Variants in DDR2 observed in about 807,000 individuals in gnomAD.
DDR2 encodes the protein discoidin domain receptor tyrosine kinase 2.
DDR2 carries 27 observed loss-of-function variants against 94.9 expected under a neutral mutation model. The observed-to-expected ratio is 0.28, with a 90% CI of 0.21 to 0.39. The LOEUF is 0.39. Among genes scored for constraint, DDR2 ranks in the 10% least tolerant of loss-of-function variants. DDR2 has a pLI of 1.00. For missense variants in DDR2, 783 were observed against 1,076.0 expected, an observed-to-expected ratio of 0.73 and a Z score of 3.81; for synonymous variants, 382 against 377.2, an observed-to-expected ratio of 1.01 and a Z score of -0.15.
chr1:162,775,547 A>T (rs1647487376), intron 14 of DDR2, 105 bp from the exon 15 acceptor site: 2 of 1,260,996 alleles, frequency 1.6e-6, no homozygotes, highest in African/African-American at 3.0e-5. Flanking sequence ...AAAGGGAAAC[A>T]AGATTTGGCA....
rs1020790054 is a variant in DDR2, at chr1:162,784,865, C to T, written c.*4619C>T. The T allele has an allele frequency of 3.3e-5, 5 of 152,188 alleles. No homozygotes were observed. The highest frequency in any genetic ancestry group is 7.3e-5 in the Non-Finnish European group (5 of 68,032). The allele number at this position is 152,188 out of a possible 1,614,324, so 9.4% of individuals were successfully genotyped here. ...ATTAACATTGGCATAATGCTATTAA[C>T]TAAACTACAGACCTTTTTTCAATTT... On this transcript the variant is annotated 3_prime_UTR_variant, in exon 18 of 18. Transcript: ENST00000367921.
chr1:162,761,580 G>T (rs962344379), intron 9 of DDR2, 126 bp downstream of exon 9: 1 of 1,458,182 alleles, frequency 6.9e-7, no homozygotes, highest in Non-Finnish European at 9.4e-7. Context: ...TCTCATTGAC[G>T]GATACGGTGA....
intron 2 of DDR2, among the ~76,000 whole-genome samples, chr1:162,657,994 T>G (rs992778004): frequency 1.3e-5 from 2 of 152,316 alleles, no homozygotes; most frequent in Admixed American, 1.3e-4. Flanking sequence ...AGTGTCTTCC[T>G]TTCCTTTTCT....
Position 162,780,531 on chromosome 1 carries a change from C to T in DDR2, c.*285C>T. On this transcript the variant is annotated 3_prime_UTR_variant, in exon 18 of 18. Coordinates refer to ENST00000367921, the MANE Select transcript of DDR2 (RefSeq NM_006182.4). ...ATACCAAAGTGTTGGATAACAAAGGCTAGAAAATTCAGATAATTTATAAAG... is the reference window on the plus strand; with the variant it reads ...ATACCAAAGTGTTGGATAACAAAGGTTAGAAAATTCAGATAATTTATAAAG... The T allele has an allele frequency of 2.7e-6, 1 of 376,818 alleles. No individual in the cohort carries two copies. The highest frequency in any genetic ancestry group is 4.8e-6 in the Non-Finnish European group (1 of 207,934). The allele number at this position is 376,818 out of a possible 1,614,324, so 23.3% of individuals were successfully genotyped here.
At chr1:162,688,796 C>A (rs1659816952) in intron 2 of DDR2, among the ~76,000 whole-genome samples, 1 of 152,124 alleles carries the variant, frequency 6.6e-6, no homozygotes, top group Non-Finnish European at 1.5e-5. Flanking sequence ...CAGGAAAGTA[C>A]CAAGAAGTAA....
At chr1:162,706,832 C>G (rs1660684110) in intron 2 of DDR2, among the ~76,000 whole-genome samples, 1 of 152,198 alleles carries the variant, frequency 6.6e-6, no homozygotes, top group Non-Finnish European at 1.5e-5. Flanking sequence ...ATTTTCTGCA[C>G]TGCTTGGTTC....
chr1:162,631,217 TGTGTGTGTGC>T (rs960876076), upstream of DDR2, among the ~76,000 whole-genome samples: 1 of 143,372 alleles, frequency 7.0e-6, no homozygotes, highest in African/African-American at 2.6e-5. Context: ...TGTGTGTGTG[TGTGTGTGTGC>T]GCTTTTCCAT....
intron 3 of DDR2, among the ~76,000 whole-genome samples, chr1:162,736,841 T>C (rs1662320886): frequency 6.6e-6 from 1 of 152,202 alleles, no homozygotes; most frequent in Non-Finnish European, 1.5e-5. Flanking sequence ...TAACAGTACA[T>C]GAAAATTCCT....
At chr1:162,769,591 G>T (rs1260085821) in intron 11 of DDR2, among the ~76,000 whole-genome samples, 5 of 152,156 alleles carry the variant, frequency 3.3e-5, no homozygotes, top group Non-Finnish European at 7.4e-5. Context: ...TGTTGGAGTG[G>T]AGCATTTTAC....
intron 3 of DDR2, among the ~76,000 whole-genome samples, chr1:162,731,321 T>G (rs1662036924): frequency 6.6e-6 from 1 of 152,240 alleles, no homozygotes; most frequent in Non-Finnish European, 1.5e-5. Flanking sequence ...AATGTAATAC[T>G]CTTTCTGTAT....
intron 9 of DDR2, among the ~76,000 whole-genome samples, chr1:162,764,948 G>C (rs539170421): frequency 6.2e-4 from 95 of 152,132 alleles, no homozygotes; most frequent in Non-Finnish European, 1.1e-3. Flanking sequence ...TAAGAAAATA[G>C]AGCATATTTT....
chr1:162,723,091 C>G (rs1057089511), intron 3 of DDR2, among the ~76,000 whole-genome samples: 1 of 152,100 alleles, frequency 6.6e-6, no homozygotes, highest in South Asian at 2.1e-4. Context: ...ATGCAGAAAC[C>G]CTGCCCCAGC....
intron 2 of DDR2, among the ~76,000 whole-genome samples, chr1:162,665,938 C>T (rs1658529263): frequency 1.3e-5 from 2 of 152,174 alleles, no homozygotes; most frequent in African/African-American, 4.8e-5. Flanking sequence ...AACTTCATCT[C>T]TTGAATAACT....
intron 2 of DDR2, among the ~76,000 whole-genome samples, chr1:162,668,347 A>G (rs1658680257): frequency 1.3e-5 from 2 of 152,182 alleles, no homozygotes; most frequent in African/African-American, 4.8e-5. Context: ...TGGGAAAAAT[A>G]TTTCTGAAGA....
intron 3 of DDR2, among the ~76,000 whole-genome samples, chr1:162,727,488 A>G (rs978865191): frequency 1.4e-5 from 2 of 146,466 alleles, no homozygotes; most frequent in Admixed American, 1.4e-4. Context: ...ATATAGATAT[A>G]TCTATCTATA....
At chr1:162,724,855 G>C (rs145383824) in intron 3 of DDR2, among the ~76,000 whole-genome samples, 4 of 152,228 alleles carry the variant, frequency 2.6e-5, no homozygotes, top group African/African-American at 9.6e-5. Context: ...AGACCTCTCT[G>C]GTTGAATTTA....
At chr1:162,675,287 G>C (rs972957027) in intron 2 of DDR2, among the ~76,000 whole-genome samples, 4 of 152,214 alleles carry the variant, frequency 2.6e-5, no homozygotes, top group African/African-American at 9.6e-5. Flanking sequence ...AGCAGGGATG[G>C]GGATGCACTT....
At chr1:162,661,003 T>C (rs1422846434) in intron 2 of DDR2, among the ~76,000 whole-genome samples, 3 of 152,204 alleles carry the variant, frequency 2.0e-5, no homozygotes, top group Non-Finnish European at 4.4e-5. Context: ...AAGAATCAAA[T>C]AGCTATACTC....
intron 2 of DDR2, among the ~76,000 whole-genome samples, chr1:162,670,937 T>C (rs2101937317): frequency 6.6e-6 from 1 of 152,324 alleles, no homozygotes; most frequent in Non-Finnish European, 1.5e-5. Context: ...CCTTTGGCCC[T>C]GGTAAACATT....
Sources: gnomAD v4.1 joint callset for allele counts (sites outside exome capture counted in the v4.1 genomes callset) on GRCh38, gnomAD v4.1.1 for gene constraint, MANE v1.5 for transcripts, NCBI Gene and HGNC (gene_info 2026-07-23, HGNC 2026-07-21) for gene names.